The following LRRTM3 variants were observed in gnomAD, a reference collection of about 807,000 sequenced individuals.
LRRTM3 encodes leucine rich repeat transmembrane neuronal 3, also known as leucine-rich repeat transmembrane neuronal protein 3.
LRRTM3 carries 24 observed loss-of-function variants against 44.7 expected under a neutral mutation model. The observed-to-expected ratio is 0.54, with a 90% confidence interval of 0.39 to 0.76. The LOEUF is 0.76. Among genes scored for constraint, LRRTM3 ranks in the 30% least tolerant of loss-of-function variants. The probability of loss-of-function intolerance (pLI) is 0.00; values close to 1 mark genes in which losing one functional copy is unlikely to be tolerated. For missense variants in LRRTM3, 587 were observed against 702.2 expected (o/e 0.84, Z 1.85); for synonymous variants, 277 against 278.7 (o/e 0.99, Z 0.06).
chr10:67,011,338 CAAAAAAAAAA>C (rs764795305), intron 2 of LRRTM3, among the ~76,000 whole-genome samples: 1 of 62,378 alleles, frequency 1.6e-5, no homozygotes, highest in Non-Finnish European at 3.4e-5. Flanking sequence ...AAGTCTGTCT[CAAAAAAAAAA>C]AAAAAAAAGC....
At chr10:67,045,881 A>G (rs538217142) in intron 2 of LRRTM3, among the ~76,000 whole-genome samples, 12 of 152,320 alleles carry the variant, frequency 7.9e-5, no homozygotes, top group Admixed American at 5.9e-4. Flanking sequence ...TGGTCCCCCA[A>G]ATAATAAGCT....
chr10:66,996,436 A>C (rs1851345604), intron 2 of LRRTM3, among the ~76,000 whole-genome samples: 1 of 152,052 alleles, frequency 6.6e-6, no homozygotes, highest in Non-Finnish European at 1.5e-5. Context: ...GCCTGGGCTC[A>C]GGAGTTTGAG....
intron 2 of LRRTM3, among the ~76,000 whole-genome samples, chr10:66,940,816 G>T (rs953046832): frequency 1.3e-5 from 2 of 152,036 alleles, no homozygotes; most frequent in Admixed American, 1.3e-4. Context: ...TCTTCAGTTT[G>T]TATTTCAACT....
intron 2 of LRRTM3, among the ~76,000 whole-genome samples, chr10:67,082,859 T>C (rs566707989): frequency 6.6e-6 from 1 of 152,246 alleles, no homozygotes; most frequent in South Asian, 2.1e-4. Flanking sequence ...TGGACCACAA[T>C]ATTATGAGTC....
At chr10:67,056,522 TA>T in intron 2 of LRRTM3, among the ~76,000 whole-genome samples, 1 of 152,318 alleles carries the variant, frequency 6.6e-6, no homozygotes, top group Non-Finnish European at 1.5e-5. Context: ...TCTGTATCTG[TA>T]AACACTGTAC....
intron 2 of LRRTM3, among the ~76,000 whole-genome samples, chr10:67,076,524 A>G (rs1321150353): frequency 5.3e-5 from 8 of 152,234 alleles, no homozygotes; most frequent in Non-Finnish European, 8.8e-5. Flanking sequence ...TTCTTCTTAT[A>G]AAGTAAGTCA....
At chr10:66,939,305 TTC>T (rs1476650584) in intron 2 of LRRTM3, among the ~76,000 whole-genome samples, 8 of 152,298 alleles carry the variant, frequency 5.3e-5, no homozygotes, top group African/African-American at 1.9e-4. Flanking sequence ...ACATTTCTTT[TTC>T]TCTTTCTCAT....
intron 2 of LRRTM3, among the ~76,000 whole-genome samples, chr10:67,007,400 C>CTT (rs552186162): frequency 3.4e-5 from 5 of 146,066 alleles, no homozygotes; most frequent in East Asian, 4.0e-4. Flanking sequence ...TTCAATCTGA[C>CTT]TTTTTTTTTT....
chr10:67,041,506 CT>C (rs758888762), intron 2 of LRRTM3, among the ~76,000 whole-genome samples: 7 of 152,112 alleles, frequency 4.6e-5, no homozygotes, highest in Non-Finnish European at 1.0e-4. Flanking sequence ...TTCCAGTCCT[CT>C]TTTTCTCCTT....
intron 2 of LRRTM3, among the ~76,000 whole-genome samples, chr10:66,959,743 C>T (rs1313532841): frequency 6.6e-6 from 1 of 152,152 alleles, no homozygotes; most frequent in Non-Finnish European, 1.5e-5. Flanking sequence ...TTTCTTAGCA[C>T]ACCTTTCTTT....
At chr10:67,090,931 T>G (rs562768353) in intron 2 of LRRTM3, among the ~76,000 whole-genome samples, 1 of 152,190 alleles carries the variant, frequency 6.6e-6, no homozygotes, top group Non-Finnish European at 1.5e-5. Flanking sequence ...CACTTATATT[T>G]TATCAACTGC....
rs948516404 is a variant in LRRTM3 at position 66,990,140 on chromosome 10, C to A, written c.1536+61688C>A. 2.9e-4 allele frequency among the ~76,000 whole-genome samples: 44 copies of A among 152,128 alleles called. 1 individual carries two copies. The highest frequency in any genetic ancestry group is 1.1e-3 in the African/African-American group (44 of 41,440). ...AAGCTTGTCAGTAGACATCATTAAG[C>A]TGTTATGAGATTCCTTCTCTTGCTC... On this transcript the variant is annotated intron_variant, in intron 2 of 2. Coordinates refer to ENST00000361320, the MANE Select transcript of LRRTM3 (RefSeq NM_178011.5).
intron 2 of LRRTM3, among the ~76,000 whole-genome samples, chr10:66,934,191 A>G (rs1847564912): frequency 6.6e-6 from 1 of 152,180 alleles, no homozygotes; most frequent in African/African-American, 2.4e-5. Flanking sequence ...AAAAAAAAGA[A>G]AAACAGCTTC....
intron 2 of LRRTM3, among the ~76,000 whole-genome samples, chr10:67,083,909 A>G (rs1216139549): frequency 1.3e-5 from 2 of 152,186 alleles, no homozygotes; most frequent in African/African-American, 4.8e-5. Context: ...AAGAATAAAA[A>G]TAAAGATAAG....
chr10:67,008,380 T>G (rs1852128564), intron 2 of LRRTM3, among the ~76,000 whole-genome samples: 1 of 152,178 alleles, frequency 6.6e-6, no homozygotes, highest in Non-Finnish European at 1.5e-5. Context: ...TTATATTCAG[T>G]TTTTTAGTTG....
chr10:67,011,977 C>T (rs1453625493), intron 2 of LRRTM3, among the ~76,000 whole-genome samples: 1 of 152,094 alleles, frequency 6.6e-6, no homozygotes, highest in Non-Finnish European at 1.5e-5. Flanking sequence ...ACATTACCTC[C>T]TCTGTCATTT....
chr10:67,027,030 A>C (rs1434032901), intron 2 of LRRTM3, among the ~76,000 whole-genome samples: 1 of 152,220 alleles, frequency 6.6e-6, no homozygotes. Context: ...CAATTCACAA[A>C]TAATTTCAAA....
chr10:67,093,336 G>A, intron 2 of LRRTM3, among the ~76,000 whole-genome samples: 1 of 152,024 alleles, frequency 6.6e-6, no homozygotes, highest in African/African-American at 2.4e-5. Flanking sequence ...GGTTGACTAA[G>A]TCATTTATTG....
At chr10:66,957,429 CATAT>C (rs765398428) in intron 2 of LRRTM3, among the ~76,000 whole-genome samples, 1 of 27,234 alleles carries the variant, frequency 3.7e-5, no homozygotes, top group Admixed American at 3.5e-4. Context: ...TATATATATG[CATAT>C]ATATATATGC....
Sources: allele counts gnomAD v4.1 joint callset (sites outside exome capture counted in the v4.1 genomes callset), GRCh38; gene constraint gnomAD v4.1.1; transcripts MANE v1.5; gene names NCBI Gene and HGNC (gene_info 2026-07-23, HGNC 2026-07-21).